VTI1A: variants seen among roughly 807,000 people sequenced by gnomAD.
The protein encoded by VTI1A is vesicle transport through interaction with t-SNAREs 1A.
VTI1A carries 22 observed loss-of-function variants against 34.9 expected under a neutral mutation model. That is an observed-to-expected ratio of 0.63 (90% confidence interval 0.45 to 0.90). The LOEUF (loss-of-function observed/expected upper bound fraction) is 0.90, where lower values mean the gene tolerates loss of function less well. Among genes scored for constraint, VTI1A ranks in the 40% least tolerant of loss-of-function variants. VTI1A has a pLI of 0.00. For missense variants in VTI1A, 268 were observed against 275.6 expected, an observed-to-expected ratio of 0.97 and a Z score of 0.20; for synonymous variants, 87 against 97.3, an observed-to-expected ratio of 0.89 and a Z score of 0.62.
intron 7 of VTI1A, among the ~76,000 whole-genome samples, chr10:112,748,786 C>T (rs761596762): frequency 2.0e-5 from 3 of 149,600 alleles, no homozygotes; most frequent in African/African-American, 5.1e-5. Context: ...CCACCATGCC[C>T]GGCTAATTTT....
chr10:112,673,600 A>C (rs1847933440), intron 7 of VTI1A, among the ~76,000 whole-genome samples: 1 of 152,248 alleles, frequency 6.6e-6, no homozygotes, highest in African/African-American at 2.4e-5. Flanking sequence ...CTGTAGTATA[A>C]ACAAAGCAGA....
chr10:112,757,351 ATTTTTTTTTTTTTTTTTT>A (rs1175362768), intron 7 of VTI1A, among the ~76,000 whole-genome samples: 3 of 40,672 alleles, frequency 7.4e-5, no homozygotes, highest in East Asian at 9.7e-4. Context: ...TGTTGCTGTG[ATTTTTTTTTTTTTTTTTT>A]TTTTTTTTTT....
At chr10:112,852,309 C>A in the VTI1A span, among the ~76,000 whole-genome samples, 2 of 152,340 alleles carry the variant, frequency 1.3e-5, no homozygotes, top group African/African-American at 2.4e-5. Flanking sequence ...CCCCTTCCCC[C>A]ACAAAACTTC....
chr10:112,466,049 A>T lies in VTI1A; in HGVS notation c.264+1392A>T, dbSNP rs368336378. On this transcript the variant is annotated intron_variant, in intron 3 of 7. Transcript: ENST00000393077. ...ATATGACTCACTTTAAAAAATAAAAAGATACAGGCGAGGAAAGATCTGAGC... is the reference window on the plus strand; with the variant it reads ...ATATGACTCACTTTAAAAAATAAAATGATACAGGCGAGGAAAGATCTGAGC... Among the ~76,000 whole-genome samples the T allele has an allele frequency of 5.2e-3, 790 of 152,312 alleles. 6 individuals are homozygous for T. Among genetic ancestry groups the T allele is most frequent in the Middle Eastern group, 0.014 (4 of 294 alleles).
intron 5 of VTI1A, among the ~76,000 whole-genome samples, chr10:112,608,627 A>T (rs374391567): frequency 1.3e-5 from 2 of 152,286 alleles, no homozygotes; most frequent in Admixed American, 6.5e-5. Flanking sequence ...TCATTTTTAT[A>T]TTCGGAAAGA....
intron 3 of VTI1A, among the ~76,000 whole-genome samples, chr10:112,501,162 ATTG>A: frequency 6.6e-6 from 1 of 152,258 alleles, no homozygotes. Context: ...TGCTCAATAC[ATTG>A]TTGTTAAATG....
chr10:112,512,462 A>G (rs1203768778), intron 3 of VTI1A, among the ~76,000 whole-genome samples: 1 of 152,014 alleles, frequency 6.6e-6, no homozygotes, highest in Non-Finnish European at 1.5e-5. Flanking sequence ...CACCTGTTGG[A>G]TGAATAGTTT....
At position 112,815,139 on chromosome 10, in the gene VTI1A, GCACA is replaced by G. The variant is rs71489986; in HGVS notation, c.561-121_561-118del. 955 of 180,416 alleles carry G rather than the reference GCACA, an allele frequency of 5.3e-3. 2 individuals are homozygous for G. Among genetic ancestry groups the G allele is most frequent in the South Asian group, 9.1e-3 (101 of 11,116 alleles). The allele number at this position is 180,416 out of a possible 1,614,324, so 11.2% of individuals were successfully genotyped here. ...GCTGCGTGATGTCTCTTTCGCGCGCGCACACACACACACACACACACACACACAC... is the reference window on the plus strand; with the variant it reads ...GCTGCGTGATGTCTCTTTCGCGCGCGCACACACACACACACACACACACAC... On this transcript the variant is annotated intron_variant, in intron 7 of 7. Transcript: ENST00000393077.
chr10:112,721,460 A>G (rs770901056), intron 7 of VTI1A, among the ~76,000 whole-genome samples: 1 of 152,246 alleles, frequency 6.6e-6, no homozygotes, highest in Non-Finnish European at 1.5e-5. Context: ...TTTCAGTTAC[A>G]AAGCATTTGA....
intron 3 of VTI1A, among the ~76,000 whole-genome samples, chr10:112,498,436 G>A (rs550816097): frequency 3.9e-5 from 6 of 152,056 alleles, no homozygotes; most frequent in Admixed American, 1.3e-4. Context: ...CAAACACATG[G>A]TAAACTAATC....
At chr10:112,645,253 G>C (rs1846730022) in intron 5 of VTI1A, among the ~76,000 whole-genome samples, 1 of 152,172 alleles carries the variant, frequency 6.6e-6, no homozygotes, top group Admixed American at 6.5e-5. Context: ...AATTCAATAA[G>C]ATCATAAGTG....
At chr10:112,515,151 A>G (rs1322536403) in intron 3 of VTI1A, among the ~76,000 whole-genome samples, 1 of 152,060 alleles carries the variant, frequency 6.6e-6, no homozygotes, top group Non-Finnish European at 1.5e-5. Flanking sequence ...ATGCAGAGTC[A>G]TAGGGCCAAA....
chr10:112,695,019 C>G (rs373510848), intron 7 of VTI1A, among the ~76,000 whole-genome samples: 45 of 152,010 alleles, frequency 3.0e-4, no homozygotes, highest in African/African-American at 9.7e-4. Context: ...AACCAGTTGA[C>G]TGAAAGGTAT....
chr10:112,701,047 C>T (rs1257557354), intron 7 of VTI1A, among the ~76,000 whole-genome samples: 1 of 152,186 alleles, frequency 6.6e-6, no homozygotes, highest in Non-Finnish European at 1.5e-5. Context: ...TAAGTTGTAT[C>T]TCATTGACTG....
intron 5 of VTI1A, among the ~76,000 whole-genome samples, chr10:112,574,660 C>G (rs988442728): frequency 6.6e-6 from 1 of 152,090 alleles, no homozygotes; most frequent in African/African-American, 2.4e-5. Context: ...ATCTACCACA[C>G]GTTAAGTGAT....
At chr10:112,661,175 G>T (rs1383761426) in intron 5 of VTI1A, among the ~76,000 whole-genome samples, 1 of 152,114 alleles carries the variant, frequency 6.6e-6, no homozygotes, top group Non-Finnish European at 1.5e-5. Flanking sequence ...TAGAGATGGG[G>T]TTTCACCAAG....
the VTI1A span, chr10:112,824,935 G>A: frequency 2.0e-5 from 3 of 152,258 alleles, no homozygotes; most frequent in Admixed American, 6.5e-5. Flanking sequence ...GTGGTTTGTA[G>A]AACCTTCTAG....
chr10:112,460,681 T>G (rs1312111107), intron 2 of VTI1A, 99 bp downstream of exon 2: 1 of 874,848 alleles, frequency 1.1e-6, no homozygotes, highest in East Asian at 3.1e-5. Context: ...TGTGAAGCAT[T>G]GCTGATTAGC....
chr10:112,808,987 G>A (rs191340352), intron 7 of VTI1A, among the ~76,000 whole-genome samples: 54 of 152,302 alleles, frequency 3.5e-4, no homozygotes, highest in Non-Finnish European at 4.7e-4. Context: ...TTGAGTGGCA[G>A]ACCAATCCTT....
Sources: gnomAD v4.1 joint callset for allele counts (sites outside exome capture counted in the v4.1 genomes callset) on GRCh38, gnomAD v4.1.1 for gene constraint, MANE v1.5 for transcripts, NCBI Gene and HGNC (gene_info 2026-07-23, HGNC 2026-07-21) for gene names.